Variants in FAM83B observed in about 807,000 individuals in gnomAD.
FAM83B encodes the protein scaffolding CK1 anchoring protein B.
FAM83B carries 26 observed loss-of-function variants against 38.8 expected under a neutral mutation model. That is an observed-to-expected ratio of 0.67 (90% CI 0.49 to 0.93). The LOEUF (loss-of-function observed/expected upper bound fraction) is 0.93. Among genes scored for constraint, FAM83B ranks in the 40% least tolerant of loss-of-function variants. The probability of loss-of-function intolerance (pLI) is 0.00; values close to 1 mark genes in which losing one functional copy is unlikely to be tolerated. For synonymous variants in FAM83B, 419 were observed against 423.1 expected (o/e 0.99, Z 0.12); for missense variants, 1,237 against 1,197.3 (o/e 1.03, Z -0.49).
At chr6:54,896,083 G>A (rs959559453) in intron 2 of FAM83B, among the ~76,000 whole-genome samples, 2 of 152,010 alleles carry the variant, frequency 1.3e-5, no homozygotes, top group African/African-American at 4.8e-5. Flanking sequence ...GTAGAGACAG[G>A]GTTTCACCAT....
chr6:54,919,573 A>G (rs1051190239), intron 2 of FAM83B, among the ~76,000 whole-genome samples: 1 of 152,048 alleles, frequency 6.6e-6, no homozygotes, highest in Non-Finnish European at 1.5e-5. Flanking sequence ...TTTTAATCCA[A>G]TTGCTAAAAA....
At chr6:54,884,030 A>T (rs1441980336) in intron 2 of FAM83B, among the ~76,000 whole-genome samples, 1 of 151,990 alleles carries the variant, frequency 6.6e-6, no homozygotes, top group Non-Finnish European at 1.5e-5. Context: ...AAGACCAGGC[A>T]TGGTGACTCA....
At chr6:54,864,070 A>G (rs560326705) in intron 1 of FAM83B, among the ~76,000 whole-genome samples, 126 of 152,316 alleles carry the variant, frequency 8.3e-4, no homozygotes, top group African/African-American at 2.9e-3. Context: ...TTTTTTCTTA[A>G]TGAATTTATT....
At chr6:54,900,441 G>A (rs949036700) in intron 2 of FAM83B, among the ~76,000 whole-genome samples, 1 of 152,136 alleles carries the variant, frequency 6.6e-6, no homozygotes, top group Non-Finnish European at 1.5e-5. Flanking sequence ...CAGAAAAAAT[G>A]AGAGTACTGT....
intron 2 of FAM83B, among the ~76,000 whole-genome samples, chr6:54,917,432 T>G (rs943764803): frequency 6.6e-6 from 1 of 152,178 alleles, no homozygotes; most frequent in South Asian, 2.1e-4. Context: ...TTTTAAATGT[T>G]CCCTTCCCAA....
intron 2 of FAM83B, among the ~76,000 whole-genome samples, chr6:54,878,171 G>A (rs1772042785): frequency 6.6e-6 from 1 of 152,140 alleles, no homozygotes; most frequent in African/African-American, 2.4e-5. Flanking sequence ...CAGCTATGAG[G>A]GAAATCAGTA....
At chr6:54,909,488 T>A (rs1561921990) in intron 2 of FAM83B, among the ~76,000 whole-genome samples, 1 of 152,164 alleles carries the variant, frequency 6.6e-6, no homozygotes, top group South Asian at 2.1e-4. Flanking sequence ...TAGAAAATTA[T>A]TACAATTTTC....
At chr6:54,909,049 T>TG (rs1678797572) in intron 2 of FAM83B, among the ~76,000 whole-genome samples, 1 of 152,226 alleles carries the variant, frequency 6.6e-6, no homozygotes, top group African/African-American at 2.4e-5. Flanking sequence ...ATAATACTAC[T>TG]TGTCTAACAC....
At chr6:54,932,291 C>T (rs538920101) in intron 4 of FAM83B, among the ~76,000 whole-genome samples, 23 of 152,178 alleles carry the variant, frequency 1.5e-4, no homozygotes, top group East Asian at 5.8e-4. Flanking sequence ...GGATTACAGG[C>T]GTAAGCCACC....
At chr6:54,906,259 A>G (rs1772774468) in intron 2 of FAM83B, among the ~76,000 whole-genome samples, 2 of 152,178 alleles carry the variant, frequency 1.3e-5, no homozygotes, top group Admixed American at 1.3e-4. Context: ...AAGTGCCAGA[A>G]TCTGTGACAA....
intron 2 of FAM83B, among the ~76,000 whole-genome samples, chr6:54,888,061 T>A (rs1301364169): frequency 4.0e-5 from 6 of 151,006 alleles, no homozygotes; most frequent in African/African-American, 1.5e-4. Flanking sequence ...GTTTTATTAT[T>A]CAGTTTCCTC....
At chr6:54,899,282 A>C (rs943121131) in intron 2 of FAM83B, among the ~76,000 whole-genome samples, 1 of 152,202 alleles carries the variant, frequency 6.6e-6, no homozygotes, top group Non-Finnish European at 1.5e-5. Context: ...AATCGGTACA[A>C]GGGTTTTTCT....
At chr6:54,867,372 T>C (rs1351864360) in intron 1 of FAM83B, among the ~76,000 whole-genome samples, 2 of 152,026 alleles carry the variant, frequency 1.3e-5, no homozygotes, top group Non-Finnish European at 2.9e-5. Context: ...TTATAGATGG[T>C]TCCTTCACAA....
Position 54,941,860 on chromosome 6 carries a change from A to G in FAM83B, c.2889A>G (p.Ile963Met), listed in dbSNP as rs1279833884. ...MPNTSINRPEIKSATMGNSYG... is the reference protein window; with the variant it reads ...MPNTSINRPEMKSATMGNSYG... ...ATACCAGTATAAATCGCCCAGAAATAAAATCTGCGACTATGGGCAACAGTT... is the reference window on the plus strand; with the variant it reads ...ATACCAGTATAAATCGCCCAGAAATGAAATCTGCGACTATGGGCAACAGTT... The change falls in exon 5 of 5, where the codon ATA becomes ATG. Residue 963 changes from isoleucine (I) to methionine (M), a missense_variant. Ile to Met is a conservative substitution (Grantham distance 10). Coordinates refer to ENST00000306858, the MANE Select transcript of FAM83B (RefSeq NM_001010872.3). The G allele has an allele frequency of 3.7e-6, 6 of 1,614,008 alleles. No individual in the cohort carries two copies. Among genetic ancestry groups the G allele is most frequent in the Middle Eastern group, 1.6e-4 (1 of 6,084 alleles).
At chr6:54,929,909 T>C (rs1034322508) in intron 4 of FAM83B, among the ~76,000 whole-genome samples, 1 of 152,122 alleles carries the variant, frequency 6.6e-6, no homozygotes, top group Non-Finnish European at 1.5e-5. Flanking sequence ...ACAGTGACTT[T>C]TGTTTTCCAT....
intron 2 of FAM83B, among the ~76,000 whole-genome samples, chr6:54,879,724 T>A (rs935114255): frequency 2.6e-5 from 4 of 152,168 alleles, no homozygotes; most frequent in African/African-American, 9.7e-5. Flanking sequence ...AGTCATGAGA[T>A]GTTTTTTAGT....
At position 54,941,393 on chromosome 6, in the gene FAM83B, G is replaced by C. The variant is rs146061127; in HGVS notation, c.2422G>C (p.Val808Leu). The C allele has an allele frequency of 3.1e-6, 5 of 1,613,162 alleles. No individual in the cohort carries two copies. The highest frequency in any genetic ancestry group is 4.2e-6 in the Non-Finnish European group (5 of 1,179,822). The change falls in exon 5 of 5, where the codon GTT becomes CTT. Residue 808 changes from valine (V) to leucine (L), a missense_variant. Physicochemically the swap from Val to Leu is conservative, Grantham distance 32 (BLOSUM62 1). Coordinates refer to ENST00000306858, the MANE Select transcript of FAM83B (RefSeq NM_001010872.3). Reference sequence around the variant, plus strand: ...ATTGTGTAGTAGCTCTGACACATTAGTTTCTGAGGGTGAAGAAAATCAAAA... The same window carrying C: ...ATTGTGTAGTAGCTCTGACACATTACTTTCTGAGGGTGAAGAAAATCAAAA... Reference protein sequence around the residue: ...YRLCSSSDTLVSEGEENQKPK... With the variant: ...YRLCSSSDTLLSEGEENQKPK...
intron 1 of FAM83B, among the ~76,000 whole-genome samples, chr6:54,867,356 A>G (rs1771735816): frequency 6.6e-6 from 1 of 151,988 alleles, no homozygotes; most frequent in African/African-American, 2.4e-5. Context: ...CTCTGATAAA[A>G]TTCATTTATA....
intron 2 of FAM83B, among the ~76,000 whole-genome samples, chr6:54,920,525 A>G (rs1773144406): frequency 6.6e-6 from 1 of 151,968 alleles, no homozygotes; most frequent in South Asian, 2.1e-4. Flanking sequence ...TAGGTCATAC[A>G]AAAGCATATT....
Sources: allele counts gnomAD v4.1 joint callset (sites outside exome capture counted in the v4.1 genomes callset), GRCh38; gene constraint gnomAD v4.1.1; transcripts MANE v1.5; gene names NCBI Gene and HGNC (gene_info 2026-07-23, HGNC 2026-07-21).